The following AGBL4 variants were observed in gnomAD, a reference collection of about 807,000 sequenced individuals.
AGBL4 encodes the protein AGBL carboxypeptidase 4, also known as cytosolic carboxypeptidase 6.
Under a neutral mutation model 66.4 loss-of-function variants are expected in AGBL4, and 58 were observed. The observed-to-expected ratio is 0.87, with a 90% CI of 0.71 to 1.09. AGBL4 has a LOEUF of 1.09. Ranked by LOEUF, AGBL4 falls within the 50% of genes least tolerant of loss-of-function variation. The pLI, the probability that AGBL4 is intolerant of heterozygous loss-of-function variation, is 0.00. For missense variants in AGBL4, 579 were observed against 631.0 expected, an observed-to-expected ratio of 0.92 and a Z score of 0.88; for synonymous variants, 234 against 222.9, an observed-to-expected ratio of 1.05 and a Z score of -0.44.
the AGBL4 span, among the ~76,000 whole-genome samples, chr1:48,523,132 C>G: frequency 6.6e-6 from 1 of 152,050 alleles, no homozygotes; most frequent in Non-Finnish European, 1.5e-5. Context: ...GATGGGAAAA[C>G]TGAGGCTTAG....
chr1:49,565,371 G>A (rs576872760), intron 3 of AGBL4, among the ~76,000 whole-genome samples: 67 of 152,190 alleles, frequency 4.4e-4, no homozygotes, highest in Non-Finnish European at 6.5e-4. Context: ...TATTTTGCTC[G>A]TTAGTTGATG....
intron 1 of AGBL4, among the ~76,000 whole-genome samples, chr1:49,974,313 TA>T (rs1419763760): frequency 2.6e-5 from 4 of 152,088 alleles, no homozygotes; most frequent in South Asian, 4.1e-4. Flanking sequence ...AGGTGATTTA[TA>T]AAAGATCATA....
At chr1:48,624,889 GGTGTGTGTGTGTGTGT>G (rs56678913) in intron 9 of AGBL4, among the ~76,000 whole-genome samples, 4 of 147,744 alleles carry the variant, frequency 2.7e-5, no homozygotes, top group African/African-American at 4.9e-5. Flanking sequence ...GTTAATTCCA[GGTGTGTGTGTGTGTGT>G]GTGTGTGTGT....
chr1:48,918,284 T>C (rs944744762), intron 5 of AGBL4, among the ~76,000 whole-genome samples: 33 of 152,208 alleles, frequency 2.2e-4, no homozygotes, highest in African/African-American at 7.5e-4. Flanking sequence ...TTTATTTGTT[T>C]GTTCATTCGT....
chr1:49,172,743 A>G (rs892113341), intron 4 of AGBL4, among the ~76,000 whole-genome samples: 1 of 152,200 alleles, frequency 6.6e-6, no homozygotes, highest in African/African-American at 2.4e-5. Context: ...GGTTCTGAAA[A>G]TCAGTGTGAG....
At chr1:49,014,319 A>G (rs561918706) in intron 5 of AGBL4, among the ~76,000 whole-genome samples, 1 of 152,348 alleles carries the variant, frequency 6.6e-6, no homozygotes, top group Non-Finnish European at 1.5e-5. Context: ...ATAAAATACA[A>G]GTTAAATGCT....
chr1:49,283,915 G>A (rs1221010785), intron 3 of AGBL4, among the ~76,000 whole-genome samples: 4 of 149,628 alleles, frequency 2.7e-5, no homozygotes, highest in African/African-American at 9.9e-5. Context: ...AAAGTGACGG[G>A]GAGAATGGAA....
At chr1:49,916,053 GA>G in intron 1 of AGBL4, among the ~76,000 whole-genome samples, 1 of 152,224 alleles carries the variant, frequency 6.6e-6, no homozygotes, top group South Asian at 2.1e-4. Context: ...CTAACAAACA[GA>G]AAGGACATCC....
Position 48,533,947 on chromosome 1 carries a change from C to G in AGBL4, c.*226G>C. 2 of 615,314 alleles carry G rather than the reference C, an allele frequency of 3.3e-6. No homozygotes were observed. Among genetic ancestry groups the G allele is most frequent in the Non-Finnish European group, 5.6e-6 (2 of 357,510 alleles). The allele number at this position is 615,314 out of a possible 1,614,324, so 38.1% of individuals were successfully genotyped here. A position where few individuals can be genotyped will look rare whatever the true frequency, so the allele number is the denominator to read the frequency against. On this transcript the variant is annotated 3_prime_UTR_variant, in exon 14 of 14. Transcript: ENST00000371839. Reference sequence around the variant, plus strand: ...AATAGCATCTGTGCTCACCTGGTTCCGATCTCCTATTTTGTTCCTGAGCTT... The same window carrying G: ...AATAGCATCTGTGCTCACCTGGTTCGGATCTCCTATTTTGTTCCTGAGCTT...
intron 3 of AGBL4, among the ~76,000 whole-genome samples, chr1:49,342,056 G>A (rs1169690181): frequency 6.6e-6 from 1 of 152,108 alleles, no homozygotes; most frequent in African/African-American, 2.4e-5. Flanking sequence ...TTGATCATCT[G>A]GGTCTGATCA....
intron 11 of AGBL4, among the ~76,000 whole-genome samples, chr1:48,561,806 C>A (rs1208468221): frequency 6.6e-6 from 1 of 152,194 alleles, no homozygotes; most frequent in African/African-American, 2.4e-5. Flanking sequence ...CTTGCGCCAT[C>A]AGCTCTCCTG....
intron 3 of AGBL4, among the ~76,000 whole-genome samples, chr1:49,570,833 T>C (rs1644311979): frequency 6.6e-6 from 1 of 152,062 alleles, no homozygotes; most frequent in Non-Finnish European, 1.5e-5. Context: ...TACCATTGAT[T>C]TACTAGGGTG....
chr1:48,967,339 C>T (rs544461430), intron 5 of AGBL4, among the ~76,000 whole-genome samples: 7 of 152,200 alleles, frequency 4.6e-5, no homozygotes, highest in Admixed American at 1.3e-4. Context: ...ATAATTCACT[C>T]GTTTATTTAT....
intron 1 of AGBL4, among the ~76,000 whole-genome samples, chr1:49,907,128 T>C (rs559704869): frequency 2.0e-5 from 3 of 152,164 alleles, no homozygotes; most frequent in East Asian, 1.9e-4. Context: ...ATCATATGAG[T>C]TGAATTATAA....
intron 3 of AGBL4, among the ~76,000 whole-genome samples, chr1:49,368,812 T>C (rs937499093): frequency 2.0e-5 from 3 of 152,190 alleles, no homozygotes; most frequent in African/African-American, 7.2e-5. Context: ...TGGTGGCTCA[T>C]GCCTGTAATC....
rs183553907 is a variant in AGBL4, at chr1:48,665,565, A to G, written c.635-2324T>C. On this transcript the variant is annotated intron_variant, in intron 6 of 13. Coordinates refer to ENST00000371839, the MANE Select transcript of AGBL4 (RefSeq NM_032785.4). ...CTCACAGAAGGAAGGGACATGCCCA[A>G]GGTCATTCAGCTAGCAGTGGTAGAG... 2.1e-3 allele frequency among the ~76,000 whole-genome samples: 323 copies of G among 152,302 alleles called. 2 individuals are homozygous for G. The highest frequency in any genetic ancestry group is 7.5e-3 in the African/African-American group (313 of 41,576).
chr1:48,795,584 C>G lies in AGBL4; in HGVS notation c.634+71607G>C, dbSNP rs147082724. On this transcript the variant is annotated intron_variant, in intron 6 of 13. Transcript: ENST00000371839. The stretch of plus-strand genomic sequence containing the variant: ...CCCAGAAAGTTGACATTGTTATAAT[C>G]CATTGACATTATTCATATTTCACCA... 7.4e-4 allele frequency among the ~76,000 whole-genome samples: 113 copies of G among 152,272 alleles called. 1 individual carries two copies. The highest frequency in any genetic ancestry group is 2.5e-3 in the African/African-American group (104 of 41,558).
chr1:49,218,836 A>G lies in AGBL4; in HGVS notation c.377+26934T>C, dbSNP rs544015793. 1.0e-3 allele frequency among the ~76,000 whole-genome samples: 156 copies of G among 151,838 alleles called. 4 individuals are homozygous for G. Among genetic ancestry groups the G allele is most frequent in the Non-Finnish European group, 8.8e-5 (6 of 67,938 alleles). On this transcript the variant is annotated intron_variant, in intron 4 of 13. Coordinates refer to ENST00000371839, the MANE Select transcript of AGBL4 (RefSeq NM_032785.4). Reference sequence around the variant, plus strand: ...CATTGGGGCAGGTCTTTCCCATACCACTCTCATGACAGGGAATAAGTCTCA... The same window carrying G: ...CATTGGGGCAGGTCTTTCCCATACCGCTCTCATGACAGGGAATAAGTCTCA...
chr1:49,561,628 G>A (rs1280114152), intron 3 of AGBL4, among the ~76,000 whole-genome samples: 1 of 152,016 alleles, frequency 6.6e-6, no homozygotes, highest in Non-Finnish European at 1.5e-5. Context: ...CCCTACAAAG[G>A]ACATGAACTC....
Sources: gnomAD v4.1 joint callset for allele counts (sites outside exome capture counted in the v4.1 genomes callset) on GRCh38, gnomAD v4.1.1 for gene constraint, MANE v1.5 for transcripts, NCBI Gene and HGNC (gene_info 2026-07-23, HGNC 2026-07-21) for gene names.